The following CSMD3 variants were observed in gnomAD, a reference collection of about 807,000 sequenced individuals.
CSMD3 encodes CUB and Sushi multiple domains 3.
Under a neutral mutation model 435.2 loss-of-function variants are expected in CSMD3, and 177 were observed. The ratio of observed to expected loss-of-function variants is 0.41; its 90% CI spans 0.36 to 0.46. The LOEUF is 0.46. CSMD3 is among the 20% of genes least tolerant of loss of function. The pLI, the probability that CSMD3 is intolerant of heterozygous loss-of-function variation, is 0.34. For synonymous variants in CSMD3, 1,656 were observed against 1,520.5 expected (o/e 1.09, Z -2.07); for missense variants, 4,265 against 4,504.6 (o/e 0.95, Z 1.52).
At chr8:113,269,230 T>C (rs1305201093) in intron 3 of CSMD3, among the ~76,000 whole-genome samples, 7 of 152,068 alleles carry the variant, frequency 4.6e-5, no homozygotes, top group Admixed American at 4.6e-4. Context: ...GAGAATAAAA[T>C]ACCTAGGAAT....
At chr8:112,642,459 C>A (rs990104180) in intron 20 of CSMD3, among the ~76,000 whole-genome samples, 7 of 152,086 alleles carry the variant, frequency 4.6e-5, no homozygotes, top group Non-Finnish European at 7.4e-5. Flanking sequence ...AACACCTTGA[C>A]TTAATGTTTA....
At chr8:112,570,627 G>C (rs1255062561) in intron 24 of CSMD3, among the ~76,000 whole-genome samples, 1 of 151,702 alleles carries the variant, frequency 6.6e-6, no homozygotes, top group Non-Finnish European at 1.5e-5. Context: ...GAAATCTGTG[G>C]GTAACTATTT....
intron 5 of CSMD3, among the ~76,000 whole-genome samples, chr8:113,052,821 A>C (rs1199772274): frequency 6.6e-6 from 1 of 152,210 alleles, no homozygotes; most frequent in Non-Finnish European, 1.5e-5. Flanking sequence ...GTGTTACTGC[A>C]TAACTAAGAG....
intron 10 of CSMD3, among the ~76,000 whole-genome samples, chr8:112,894,725 T>A (rs2081899844): frequency 6.6e-6 from 1 of 151,410 alleles, no homozygotes; most frequent in Non-Finnish European, 1.5e-5. Context: ...TTATGTAGCA[T>A]AAGTCCATAC....
At chr8:112,979,923 T>TA (rs1564173560) in intron 6 of CSMD3, among the ~76,000 whole-genome samples, 1 of 150,948 alleles carries the variant, frequency 6.6e-6, no homozygotes, top group East Asian at 1.9e-4. Flanking sequence ...AAAAATGAAA[T>TA]AAAAATGATT....
intron 16 of CSMD3, among the ~76,000 whole-genome samples, chr8:112,670,978 T>C (rs2075642023): frequency 6.6e-6 from 1 of 152,122 alleles, no homozygotes; most frequent in African/African-American, 2.4e-5. Flanking sequence ...GTAGGTATTG[T>C]CCAATAGCCA....
intron 3 of CSMD3, among the ~76,000 whole-genome samples, chr8:113,180,911 G>A (rs2092413517): frequency 1.3e-5 from 2 of 152,126 alleles, no homozygotes; most frequent in African/African-American, 4.8e-5. Context: ...TCACTGGGAT[G>A]CTGGAGATGT....
intron 1 of CSMD3, among the ~76,000 whole-genome samples, chr8:113,372,863 A>G (rs1182699442): frequency 2.0e-5 from 3 of 150,938 alleles, no homozygotes; most frequent in East Asian, 4.0e-4. Context: ...GAACCCGGGA[A>G]GCGGAGCTTG....
At chr8:112,380,321 C>T (rs538015134) in intron 38 of CSMD3, 31 bp downstream of exon 38, 2 of 1,185,622 alleles carry the variant, frequency 1.7e-6, no homozygotes, top group Non-Finnish European at 2.5e-6. Context: ...TGTTCTTAAC[C>T]TTTTTGAATG....
intron 32 of CSMD3, among the ~76,000 whole-genome samples, chr8:112,441,410 A>C (rs1240966424): frequency 6.6e-6 from 1 of 152,156 alleles, no homozygotes; most frequent in Non-Finnish European, 1.5e-5. Context: ...AAGAAGTTCC[A>C]AACTTTCCCA....
chr8:113,394,241 C>T (rs1313851556), intron 1 of CSMD3, among the ~76,000 whole-genome samples: 2 of 151,588 alleles, frequency 1.3e-5, no homozygotes, highest in South Asian at 2.1e-4. Context: ...TAAAGTTAAA[C>T]AGGATTACTG....
At chr8:112,811,486 G>C (rs2132388908) in intron 12 of CSMD3, among the ~76,000 whole-genome samples, 1 of 152,180 alleles carries the variant, frequency 6.6e-6, no homozygotes, top group South Asian at 2.1e-4. Flanking sequence ...AGAACATCAA[G>C]GAAGATTGTA....
chr8:112,872,050 A>G (rs2081151281), intron 10 of CSMD3, among the ~76,000 whole-genome samples: 1 of 152,048 alleles, frequency 6.6e-6, no homozygotes, highest in Non-Finnish European at 1.5e-5. Flanking sequence ...TAAACTATAG[A>G]TAATAGGAGT....
In CSMD3 at chr8:112,233,389, A is replaced by G. The variant is rs138205128; in HGVS notation, c.10740+976T>C. 1.5e-3 allele frequency among the ~76,000 whole-genome samples: 221 copies of G among 152,342 alleles called. 2 individuals carry two copies. The highest frequency in any genetic ancestry group is 4.9e-3 in the African/African-American group (205 of 41,582). Reference sequence around the variant, plus strand: ...TAAAAAATAAAGTACTTCTAAGAAGAAGCTCAAACTCCATCATTTTAATGA... The same window carrying G: ...TAAAAAATAAAGTACTTCTAAGAAGGAGCTCAAACTCCATCATTTTAATGA... On this transcript the variant is annotated intron_variant, in intron 68 of 70. Coordinates refer to ENST00000297405, the MANE Select transcript of CSMD3 (RefSeq NM_198123.2).
chr8:112,356,970 G>C (rs1826679718), intron 38 of CSMD3, among the ~76,000 whole-genome samples: 1 of 152,098 alleles, frequency 6.6e-6, no homozygotes, highest in Non-Finnish European at 1.5e-5. Flanking sequence ...CCAGTAGAGT[G>C]GGGTGTTACT....
At chr8:112,382,682 A>G (rs1025750794) in intron 37 of CSMD3, among the ~76,000 whole-genome samples, 2 of 152,186 alleles carry the variant, frequency 1.3e-5, no homozygotes, top group African/African-American at 4.8e-5. Flanking sequence ...TATTGCATAA[A>G]CTACCTTTTA....
chr8:113,023,191 C>T (rs995440528), intron 5 of CSMD3, among the ~76,000 whole-genome samples: 2 of 151,980 alleles, frequency 1.3e-5, no homozygotes, highest in Non-Finnish European at 2.9e-5. Flanking sequence ...TTTGTAGTTT[C>T]ATCAACAGCT....
chr8:112,241,970 C>T (rs1175435128), intron 65 of CSMD3, among the ~76,000 whole-genome samples, 185 bp from the exon 66 acceptor site: 1 of 152,048 alleles, frequency 6.6e-6, no homozygotes, highest in East Asian at 1.9e-4. Flanking sequence ...CTACTCAGCA[C>T]TCGTTATGCA....
intron 19 of CSMD3, among the ~76,000 whole-genome samples, chr8:112,648,168 A>C (rs1484814158): frequency 1.3e-5 from 2 of 152,166 alleles, no homozygotes; most frequent in Admixed American, 1.3e-4. Flanking sequence ...TTGTTACCTC[A>C]GGAGATCTGG....
Sources: allele counts gnomAD v4.1 joint callset (sites outside exome capture counted in the v4.1 genomes callset), GRCh38; gene constraint gnomAD v4.1.1; transcripts MANE v1.5; gene names NCBI Gene and HGNC (gene_info 2026-07-23, HGNC 2026-07-21).